Variants in AGBL1 observed in about 807,000 individuals in gnomAD.
The protein encoded by AGBL1 is cytosolic carboxypeptidase 4.
A neutral mutation model predicts 118.9 loss-of-function variants in AGBL1; 130 were observed. That is an observed-to-expected ratio of 1.09 (90% CI 0.95 to 1.26). The LOEUF is 1.26. AGBL1 is among the 50% of genes most tolerant of loss of function. The pLI is 0.00. For synonymous variants in AGBL1, 555 were observed against 478.9 expected (o/e 1.16, Z -2.08); for missense variants, 1,584 against 1,298.1 (o/e 1.22, Z -3.38).
At chr15:86,586,858 A>AG (rs36111706) in intron 21 of AGBL1, among the ~76,000 whole-genome samples, 117 of 152,182 alleles carry the variant, frequency 7.7e-4, no homozygotes, top group African/African-American at 1.9e-3. Context: ...GCTTAAGTTA[A>AG]GGGGGGGTCT....
intron 21 of AGBL1, among the ~76,000 whole-genome samples, chr15:86,644,365 C>G (rs1301469184): frequency 6.6e-6 from 1 of 151,960 alleles, no homozygotes; most frequent in Non-Finnish European, 1.5e-5. Context: ...GAGCCCGTCT[C>G]TACAAAATAA....
chr15:86,296,622 G>A (rs1255905042), intron 17 of AGBL1: 1 of 152,184 alleles, frequency 6.6e-6, no homozygotes, highest in Admixed American at 6.5e-5. Flanking sequence ...ATCTGACAAT[G>A]GATGCTTAAC....
intron 23 of AGBL1, among the ~76,000 whole-genome samples, chr15:86,953,815 C>G: frequency 6.6e-6 from 1 of 152,056 alleles, no homozygotes; most frequent in East Asian, 1.9e-4. Context: ...TTCTAGGAGC[C>G]TTTTGGAAGA....
At chr15:86,364,958 C>CATAT (rs72116454) in intron 17 of AGBL1, among the ~76,000 whole-genome samples, 4,447 of 75,946 alleles carry the variant, frequency 0.059, 193 homozygotes, top group Non-Finnish European at 0.093. Context: ...ATATGTCACA[C>CATAT]ATATATATAT....
intron 22 of AGBL1, among the ~76,000 whole-genome samples, chr15:86,713,543 G>C (rs1175575616): frequency 6.6e-6 from 1 of 152,120 alleles, no homozygotes; most frequent in Non-Finnish European, 1.5e-5. Flanking sequence ...ACGGGTTGTG[G>C]AAATTAAAGT....
At chr15:86,840,923 T>C (rs1260368927) in intron 22 of AGBL1, among the ~76,000 whole-genome samples, 1 of 152,190 alleles carries the variant, frequency 6.6e-6, no homozygotes, top group Admixed American at 6.5e-5. Flanking sequence ...CAATGGAAGG[T>C]GCACAATCTT....
At chr15:86,588,549 C>T (rs946059990) in intron 21 of AGBL1, among the ~76,000 whole-genome samples, 1 of 152,172 alleles carries the variant, frequency 6.6e-6, no homozygotes, top group Non-Finnish European at 1.5e-5. Flanking sequence ...AAGGCTGAAG[C>T]TCATATGCAG....
rs1214513771 is a variant in AGBL1 at position 86,948,346 on chromosome 15, CATT to C, written c.3222-39639_3222-39637del. 3.3e-5 allele frequency among the ~76,000 whole-genome samples: 5 copies of C among 152,064 alleles called. No individual in the cohort carries two copies. The East Asian group carries it at 5.8e-4, about 18-fold the overall frequency. Reference sequence around the variant, plus strand: ...TGCATTTTTAAAAATAAAAAATAGTCATTAGAATTAAAATGTAAATGGACATTT... The same window carrying C: ...TGCATTTTTAAAAATAAAAAATAGTCAGAATTAAAATGTAAATGGACATTT... On this transcript the variant is annotated intron_variant, in intron 23 of 24. Transcript: ENST00000441037.
chr15:86,493,887 T>TA (rs758237056), intron 18 of AGBL1, among the ~76,000 whole-genome samples: 15 of 152,154 alleles, frequency 9.9e-5, no homozygotes, highest in Non-Finnish European at 1.9e-4. Context: ...CCCGACTATT[T>TA]AGACTGTTTA....
intron 1 of AGBL1, chr15:86,109,933 A>G (rs1897262534): frequency 6.6e-6 from 1 of 152,248 alleles, no homozygotes; most frequent in African/African-American, 2.4e-5. Context: ...CAAATCATAC[A>G]AATAAATTCC....
intron 7 of AGBL1, 102 bp from the exon 8 acceptor site, chr15:86,256,751 G>A: frequency 1.7e-6 from 2 of 1,188,606 alleles, no homozygotes; most frequent in Non-Finnish European, 1.2e-6. Flanking sequence ...ACACAGCTAG[G>A]AGACTGTGCT....
chr15:86,732,940 T>G (rs184805037), intron 22 of AGBL1, among the ~76,000 whole-genome samples: 132 of 149,570 alleles, frequency 8.8e-4, no homozygotes, highest in Admixed American at 2.3e-3. Context: ...GATATATATA[T>G]AGAGAGAAAT....
chr15:86,212,808 C>T (rs979017334), intron 5 of AGBL1, among the ~76,000 whole-genome samples: 1 of 152,112 alleles, frequency 6.6e-6, no homozygotes, highest in African/African-American at 2.4e-5. Context: ...TACCACCATG[C>T]CTGGCTAATT....
intron 22 of AGBL1, among the ~76,000 whole-genome samples, chr15:86,858,857 T>G (rs920480124): frequency 6.6e-6 from 1 of 152,224 alleles, no homozygotes; most frequent in Non-Finnish European, 1.5e-5. Context: ...CAGACCACTG[T>G]GTCTTTCTTA....
intron 22 of AGBL1, among the ~76,000 whole-genome samples, chr15:86,708,188 G>GCCAATATTTGGCCAATATTGGATTGGAC (rs1264951252): frequency 6.6e-6 from 1 of 152,100 alleles, no homozygotes. Flanking sequence ...TAAAGTTGAA[G>GCCAATATTTGGCCAATATTGGATTGGAC]CCAATATTTG....
At chr15:86,669,509 G>C (rs2085703941) in intron 21 of AGBL1, among the ~76,000 whole-genome samples, 1 of 152,022 alleles carries the variant, frequency 6.6e-6, no homozygotes, top group Non-Finnish European at 1.5e-5. Flanking sequence ...TATTCAAAAA[G>C]ATCATGGATG....
intron 22 of AGBL1, among the ~76,000 whole-genome samples, chr15:86,689,018 T>C (rs76008324): frequency 0.011 from 1,739 of 152,304 alleles, 26 homozygotes; most frequent in East Asian, 0.071. Flanking sequence ...TTTTGCGAAT[T>C]ACTCGTGTTC....
intron 22 of AGBL1, among the ~76,000 whole-genome samples, chr15:86,884,738 G>A (rs565405505): frequency 1.3e-5 from 2 of 152,280 alleles, no homozygotes; most frequent in African/African-American, 4.8e-5. Flanking sequence ...CTTGAACCTG[G>A]GAAGCAGAGG....
At chr15:86,414,056 G>A (rs1181555608) in intron 18 of AGBL1, among the ~76,000 whole-genome samples, 1 of 152,058 alleles carries the variant, frequency 6.6e-6, no homozygotes, top group Non-Finnish European at 1.5e-5. Context: ...ATTATCTTAA[G>A]TGAAAAAAAC....
Sources: allele counts gnomAD v4.1 joint callset (sites outside exome capture counted in the v4.1 genomes callset), GRCh38; gene constraint gnomAD v4.1.1; transcripts MANE v1.5; gene names NCBI Gene and HGNC (gene_info 2026-07-23, HGNC 2026-07-21).